The following TOGARAM1 variants were observed in gnomAD, a reference collection of about 807,000 sequenced individuals.
TOGARAM1 encodes the protein TOG array regulator of axonemal microtubules protein 1.
Under a neutral mutation model 166.6 loss-of-function variants are expected in TOGARAM1, and 100 were observed. That is an observed-to-expected ratio of 0.60 (90% CI 0.51 to 0.71). The LOEUF (loss-of-function observed/expected upper bound fraction) is 0.71, where lower values mean the gene tolerates loss of function less well. Among genes scored for constraint, TOGARAM1 ranks in the 30% least tolerant of loss-of-function variants. TOGARAM1 has a pLI of 0.00. For missense variants in TOGARAM1, 2,029 were observed against 2,102.7 expected, an observed-to-expected ratio of 0.96 and a Z score of 0.69; for synonymous variants, 758 against 763.8, an observed-to-expected ratio of 0.99 and a Z score of 0.13.
At chr14:45,024,408 A>T (rs1880704818) in intron 7 of TOGARAM1, among the ~76,000 whole-genome samples, 1 of 152,062 alleles carries the variant, frequency 6.6e-6, no homozygotes. Flanking sequence ...TAGAATTGAG[A>T]CTTAATGAAC....
intron 14 of TOGARAM1, among the ~76,000 whole-genome samples, chr14:45,050,237 G>T (rs1882294395): frequency 6.6e-6 from 1 of 151,952 alleles, no homozygotes; most frequent in South Asian, 2.1e-4. Flanking sequence ...CATTTGAAGG[G>T]GTCACGTTGA....
At chr14:45,029,299 C>T (rs893320727) in intron 10 of TOGARAM1, among the ~76,000 whole-genome samples, 1 of 152,162 alleles carries the variant, frequency 6.6e-6, no homozygotes, top group Admixed American at 6.5e-5. Context: ...TCCTACCTAA[C>T]TTAGCCAGTG....
rs778750408 is a variant in TOGARAM1, at chr14:45,066,622, G to A, written c.4604G>A (p.Arg1535His). Reference protein sequence around the residue: ...VREVTRKSVPRNSLESAEYLK... With the variant: ...VREVTRKSVPHNSLESAEYLK... ...GAAGTCACCAGAAAATCAGTCCCTC[G>A]TAATTCCTTAGAAAGTGCTGAGTAC... Residue 1535 changes from arginine (R) to histidine (H), a missense_variant, in exon 17 of 20, where the codon CGT becomes CAT. This residue lies in a region of TOGARAM1 where 576 missense variants were observed against 670.5 expected (regional missense o/e 0.86). Transcript: ENST00000361462. 13 of 1,611,906 alleles carry A rather than the reference G, an allele frequency of 8.1e-6. No homozygotes were observed. Among genetic ancestry groups the A allele is most frequent in the East Asian group, 6.7e-5 (3 of 44,880 alleles).
chr14:44,994,198 C>T (rs1887297822), intron 1 of TOGARAM1, among the ~76,000 whole-genome samples: 1 of 151,974 alleles, frequency 6.6e-6, no homozygotes, highest in Non-Finnish European at 1.5e-5. Context: ...CCTCTGTCTC[C>T]TGGGTTCAAG....
At chr14:45,047,257 T>C (rs1403898432) in intron 14 of TOGARAM1, among the ~76,000 whole-genome samples, 1 of 151,852 alleles carries the variant, frequency 6.6e-6, no homozygotes, top group Admixed American at 6.6e-5. Context: ...CCGGGCATGG[T>C]GGCAGGCGCC....
intron 1 of TOGARAM1, among the ~76,000 whole-genome samples, chr14:44,981,427 G>T (rs28386938): frequency 0.024 from 3,594 of 152,264 alleles, 143 homozygotes; most frequent in African/African-American, 0.083. Flanking sequence ...AGCCAAGAAA[G>T]AAATAGGTTT....
At chr14:44,971,082 C>T (rs1885862198) in intron 1 of TOGARAM1, among the ~76,000 whole-genome samples, 1 of 151,944 alleles carries the variant, frequency 6.6e-6, no homozygotes, top group Admixed American at 6.6e-5. Context: ...TAGAATGAGT[C>T]AGAAAGTATT....
intron 14 of TOGARAM1, among the ~76,000 whole-genome samples, chr14:45,048,067 A>G (rs1035449883): frequency 2.0e-5 from 3 of 146,622 alleles, no homozygotes; most frequent in Non-Finnish European, 3.0e-5. Context: ...AAAAAAAAAA[A>G]AAAAGGCTGG....
chr14:44,974,482 C>T lies in TOGARAM1; in HGVS notation c.2046+10015C>T, dbSNP rs529499265. 1.2e-4 allele frequency among the ~76,000 whole-genome samples: 19 copies of T among 152,238 alleles called. No individual in the cohort carries two copies. In the South Asian group the frequency reaches 3.7e-3, roughly 30 times the overall value. Reference sequence around the variant, plus strand: ...ATTCTGGTATGTTAACTTCAACATTCCTGCCATATCCAATTCTAGTTATGA... The same window carrying T: ...ATTCTGGTATGTTAACTTCAACATTTCTGCCATATCCAATTCTAGTTATGA... On this transcript the variant is annotated intron_variant, in intron 1 of 19. Transcript: ENST00000361462.
chr14:45,071,622 A>G (rs1041702119), intron 18 of TOGARAM1, 90 bp from the exon 19 acceptor site: 3 of 772,062 alleles, frequency 3.9e-6, no homozygotes, highest in African/African-American at 3.6e-5. Context: ...CCTAGAAGTG[A>G]TTTTTTTTTT....
At chr14:44,997,900 A>G (rs529030915) in intron 2 of TOGARAM1, among the ~76,000 whole-genome samples, 6 of 152,340 alleles carry the variant, frequency 3.9e-5, no homozygotes, top group South Asian at 2.1e-4. Flanking sequence ...AGGTAATAAG[A>G]AAAATTGTAG....
At chr14:45,061,513 A>T (rs1290131935) in intron 16 of TOGARAM1, among the ~76,000 whole-genome samples, 3 of 152,218 alleles carry the variant, frequency 2.0e-5, no homozygotes, top group Non-Finnish European at 4.4e-5. Context: ...GTATGATATT[A>T]GCTGTAGGTT....
At chr14:45,003,440 A>G (rs921353632) in intron 3 of TOGARAM1, among the ~76,000 whole-genome samples, 6 of 152,218 alleles carry the variant, frequency 3.9e-5, no homozygotes, top group South Asian at 4.1e-4. Context: ...ATAAGATGGT[A>G]GAATTAAAAT....
intron 13 of TOGARAM1, among the ~76,000 whole-genome samples, chr14:45,045,718 C>CAT (rs1489607793): frequency 8.2e-5 from 10 of 121,890 alleles, no homozygotes; most frequent in Non-Finnish European, 1.3e-4. Context: ...TATATATACA[C>CAT]ATATATACAC....
chr14:45,029,908 A>T (rs182956130), intron 10 of TOGARAM1, among the ~76,000 whole-genome samples: 1 of 152,034 alleles, frequency 6.6e-6, no homozygotes, highest in East Asian at 1.9e-4. Context: ...TGCAACCTCC[A>T]CCTCTTCGGT....
At chr14:45,044,092 C>T (rs537068380) in intron 12 of TOGARAM1, among the ~76,000 whole-genome samples, 1 of 152,054 alleles carries the variant, frequency 6.6e-6, no homozygotes, top group East Asian at 1.9e-4. Context: ...TCACTGCAAC[C>T]TTCTCCTCCT....
Position 44,964,000 on chromosome 14 carries a change from C to T in TOGARAM1, c.1579C>T (p.Arg527Cys), listed in dbSNP as rs1342786907. 1.2e-6 allele frequency: 2 copies of T among 1,614,162 alleles called. No homozygotes were observed. Among genetic ancestry groups the T allele is most frequent in the Non-Finnish European group, 1.7e-6 (2 of 1,180,042 alleles). The part of the protein sequence containing the change: ...PALVDSKRRV[R>C]QAALEAFAVL... ...TCTTGTAGATAGCAAACGCAGGGTACGCCAAGCAGCTTTAGAAGCTTTTGC... is the reference window on the plus strand; with the variant it reads ...TCTTGTAGATAGCAAACGCAGGGTATGCCAAGCAGCTTTAGAAGCTTTTGC... Residue 527 changes from arginine (R) to cysteine (C), a missense_variant, in exon 1 of 20, where the codon CGC (arginine) becomes TGC (cysteine). Physicochemically the swap from Arg to Cys is radical, Grantham distance 180. Coordinates refer to ENST00000361462, the MANE Select transcript of TOGARAM1 (RefSeq NM_001308120.2).
Position 45,073,319 on chromosome 14 carries a change from A to T in TOGARAM1, c.5080A>T (p.Arg1694Trp). The change falls in exon 20 of 20, where the codon AGG becomes TGG. Residue 1694 changes from arginine to tryptophan, a missense_variant. Physicochemically the swap from Arg to Trp is moderately radical, Grantham distance 101 (BLOSUM62 -3). Transcript: ENST00000361462. Reference sequence around the variant, plus strand: ...AGATATTGTTACGGAACTTTATCAAAGGAAGCCGCATGCCACAGAGCAGAA... The same window carrying T: ...AGATATTGTTACGGAACTTTATCAATGGAAGCCGCATGCCACAGAGCAGAA... ...LADIVTELYQRKPHATEQKVL... is the reference protein window; with the variant it reads ...LADIVTELYQWKPHATEQKVL... 3 of 1,613,054 alleles carry T rather than the reference A, an allele frequency of 1.9e-6. No individual in the cohort carries two copies. The South Asian group carries it at 3.3e-5, about 18-fold the overall frequency.
At position 44,962,796 on chromosome 14, in the gene TOGARAM1, T is replaced by C. The variant is rs777067042; in HGVS notation, c.375T>C (p.Gly125=). 1 of 1,612,144 alleles carries C rather than the reference T, an allele frequency of 6.2e-7. No homozygotes were observed. The highest frequency in any genetic ancestry group is 1.1e-5 in the South Asian group (1 of 91,070). ...ALQAALPRRG[G]RLGFPRRKEA... is the part of the protein sequence containing the mutation. ...AAGCTGCTTTGCCGCGGCGGGGCGG[T>C]CGACTTGGCTTCCCCCGACGCAAGG... The change falls in exon 1 of 20, where the codon GGT becomes GGC. Residue 125 remains glycine (G), a synonymous_variant. Coordinates refer to ENST00000361462, the MANE Select transcript of TOGARAM1 (RefSeq NM_001308120.2).
Sources: gnomAD v4.1 joint callset for allele counts (sites outside exome capture counted in the v4.1 genomes callset) on GRCh38, gnomAD v4.1.1 for gene constraint, gnomAD v4.1.1 regional missense constraint, MANE v1.5 for transcripts, NCBI Gene and HGNC (gene_info 2026-07-23, HGNC 2026-07-21) for gene names.